Variants in PTPRD observed in about 807,000 individuals in gnomAD.
The protein encoded by PTPRD is protein tyrosine phosphatase receptor type D, also known as receptor-type tyrosine-protein phosphatase delta.
Under a neutral mutation model 214.5 loss-of-function variants are expected in PTPRD, and 34 were observed. The observed-to-expected ratio is 0.16, with a 90% CI of 0.12 to 0.21. The LOEUF is 0.21. Ranked by LOEUF, PTPRD falls within the 10% of genes least tolerant of loss-of-function variation. The pLI, the probability that PTPRD is intolerant of heterozygous loss-of-function variation, is 1.00. For missense variants in PTPRD, 2,545 were observed against 2,398.7 expected (o/e 1.06, Z -1.27); for synonymous variants, 1,128 against 845.7 (o/e 1.33, Z -5.79).
At chr9:8,913,031 G>A (rs72706215) in intron 11 of PTPRD, among the ~76,000 whole-genome samples, 23,282 of 151,940 alleles carry the variant, frequency 0.15, 2,018 homozygotes, top group East Asian at 0.29. Flanking sequence ...TAAGCTTAAC[G>A]ATTTATGAAT....
At chr9:10,579,245 C>G (rs2070776084) in intron 2 of PTPRD, among the ~76,000 whole-genome samples, 1 of 152,144 alleles carries the variant, frequency 6.6e-6, no homozygotes, top group African/African-American at 2.4e-5. Flanking sequence ...ATCACATGTT[C>G]TCATCCAATA....
intron 8 of PTPRD, among the ~76,000 whole-genome samples, chr9:9,419,128 TACACAC>T (rs142908778): frequency 6.4e-5 from 9 of 139,986 alleles, no homozygotes; most frequent in East Asian, 4.2e-4. Flanking sequence ...AGGCCCCTTA[TACACAC>T]ACACACACAC....
intron 11 of PTPRD, among the ~76,000 whole-genome samples, chr9:8,740,980 G>T (rs979919919): frequency 6.6e-6 from 1 of 151,748 alleles, no homozygotes; most frequent in Non-Finnish European, 1.5e-5. Flanking sequence ...CTAATACACA[G>T]AGAAAAAAAA....
chr9:9,174,290 T>C (rs2099923283), intron 10 of PTPRD, among the ~76,000 whole-genome samples: 1 of 152,148 alleles, frequency 6.6e-6, no homozygotes, highest in Non-Finnish European at 1.5e-5. Flanking sequence ...AGTGACTGAT[T>C]AATAAATATT....
intron 3 of PTPRD, among the ~76,000 whole-genome samples, chr9:10,121,136 T>C (rs147798514): frequency 6.6e-4 from 101 of 152,270 alleles, no homozygotes; most frequent in African/African-American, 2.3e-3. Flanking sequence ...TATTAGCTTG[T>C]ATAGTATTGT....
At chr9:10,034,714 T>C (rs10114120) in intron 3 of PTPRD, among the ~76,000 whole-genome samples, 48,491 of 151,868 alleles carry the variant, frequency 0.32, 8,324 homozygotes, top group East Asian at 0.62. Context: ...CTAAGGATAA[T>C]GGTCTCCGGC....
intron 12 of PTPRD, among the ~76,000 whole-genome samples, chr9:8,691,021 GA>G (rs1438465059): frequency 6.6e-6 from 1 of 152,036 alleles, no homozygotes; most frequent in African/African-American, 2.4e-5. Context: ...ACATGTGAAA[GA>G]AAAAATTATC....
intron 3 of PTPRD, among the ~76,000 whole-genome samples, chr9:10,138,435 AC>A (rs2098958087): frequency 6.6e-6 from 1 of 152,040 alleles, no homozygotes. Context: ...AAACAAACAA[AC>A]AAAAAACAAA....
At chr9:9,109,757 A>T (rs1462219417) in intron 10 of PTPRD, among the ~76,000 whole-genome samples, 1 of 152,116 alleles carries the variant, frequency 6.6e-6, no homozygotes. Context: ...TGCGAATGAA[A>T]TAGAGTTGTT....
chr9:9,515,389 C>T (rs2096811038), intron 8 of PTPRD, among the ~76,000 whole-genome samples: 2 of 152,080 alleles, frequency 1.3e-5, no homozygotes, highest in South Asian at 2.1e-4. Flanking sequence ...TAAGGGGGCA[C>T]TATTCCCAAT....
intron 3 of PTPRD, among the ~76,000 whole-genome samples, chr9:10,158,069 C>T (rs771374141): frequency 3.9e-5 from 6 of 151,950 alleles, no homozygotes; most frequent in Non-Finnish European, 7.4e-5. Context: ...AGTGCAATGG[C>T]GCGATAACAG....
chr9:10,084,962 G>T (rs2154192820), intron 3 of PTPRD, among the ~76,000 whole-genome samples: 1 of 151,954 alleles, frequency 6.6e-6, no homozygotes, highest in South Asian at 2.1e-4. Context: ...GCATGAAGGT[G>T]CACAGATATA....
chr9:9,219,435 T>G (rs1256653730), intron 9 of PTPRD, among the ~76,000 whole-genome samples: 2 of 151,712 alleles, frequency 1.3e-5, no homozygotes, highest in African/African-American at 4.8e-5. Flanking sequence ...AAAAACATTA[T>G]AGCAAGGAAT....
intron 2 of PTPRD, among the ~76,000 whole-genome samples, chr9:10,420,180 T>C (rs1043600484): frequency 4.6e-5 from 7 of 151,820 alleles, no homozygotes; most frequent in African/African-American, 1.7e-4. Flanking sequence ...GACTTTGCTA[T>C]GTGTCAAGAA....
At chr9:9,234,006 A>G (rs1452568006) in intron 9 of PTPRD, among the ~76,000 whole-genome samples, 1 of 152,078 alleles carries the variant, frequency 6.6e-6, no homozygotes, top group Non-Finnish European at 1.5e-5. Context: ...TCCACTAGGT[A>G]GTGCCCCGGT....
chr9:8,544,325 G>A (rs968669105), intron 14 of PTPRD, among the ~76,000 whole-genome samples: 8 of 151,170 alleles, frequency 5.3e-5, no homozygotes, highest in African/African-American at 1.5e-4. Context: ...TCAGTAATCC[G>A]CCTGTATCGG....
At chr9:9,244,140 T>C (rs951828437) in intron 9 of PTPRD, among the ~76,000 whole-genome samples, 1 of 152,024 alleles carries the variant, frequency 6.6e-6, no homozygotes. Flanking sequence ...TAAAAGAGGA[T>C]ACAAACAAAT....
At chr9:10,299,011 A>G (rs1266340571) in intron 3 of PTPRD, among the ~76,000 whole-genome samples, 3 of 152,120 alleles carry the variant, frequency 2.0e-5, no homozygotes, top group Non-Finnish European at 4.4e-5. Flanking sequence ...CTGTCACTAC[A>G]TTATTAAGCT....
chr9:10,096,332 C>G (rs144244767), intron 3 of PTPRD, among the ~76,000 whole-genome samples: 3 of 151,650 alleles, frequency 2.0e-5, no homozygotes, highest in African/African-American at 4.8e-5. Flanking sequence ...ATACATCACC[C>G]CTTTTATCTA....
Sources: gnomAD v4.1 joint callset for allele counts (sites outside exome capture counted in the v4.1 genomes callset) on GRCh38, gnomAD v4.1.1 for gene constraint, MANE v1.5 for transcripts, NCBI Gene and HGNC (gene_info 2026-07-23, HGNC 2026-07-21) for gene names.